Variants in TGFBR2 observed in about 807,000 individuals in gnomAD.
The protein encoded by TGFBR2 is transforming growth factor beta receptor 2, also known as TGF-beta receptor type-2.
A neutral mutation model predicts 49.0 loss-of-function variants in TGFBR2; 18 were observed. The observed-to-expected ratio is 0.37, with a 90% CI of 0.25 to 0.54. The LOEUF is 0.54. Among genes scored for constraint, TGFBR2 ranks in the 20% least tolerant of loss-of-function variants. The pLI is 0.85. For synonymous variants in TGFBR2, 282 were observed against 275.9 expected (o/e 1.02, Z -0.22); for missense variants, 525 against 722.6 (o/e 0.73, Z 3.13).
At chr3:30,607,514 A>G (rs750112319) in intron 1 of TGFBR2, among the ~76,000 whole-genome samples, 35 of 152,304 alleles carry the variant, frequency 2.3e-4, no homozygotes, top group Non-Finnish European at 4.1e-4. Context: ...AACAAGTTTC[A>G]AGAAAATAAT....
chr3:30,613,181 A>G (rs1225481223), intron 1 of TGFBR2, among the ~76,000 whole-genome samples: 2 of 139,988 alleles, frequency 1.4e-5, no homozygotes, highest in East Asian at 2.1e-4. Context: ...TTTTCCTCCA[A>G]TTTTTTTCAG....
intron 2 of TGFBR2, among the ~76,000 whole-genome samples, chr3:30,645,556 G>A (rs530083898): frequency 6.8e-6 from 1 of 146,826 alleles, no homozygotes; most frequent in African/African-American, 2.5e-5. Context: ...CACAATCTTG[G>A]CTCACCGCAA....
chr3:30,616,795 A>G (rs531002162), intron 1 of TGFBR2, among the ~76,000 whole-genome samples: 12 of 152,110 alleles, frequency 7.9e-5, no homozygotes, highest in African/African-American at 2.2e-4. Context: ...AAAAGAGAAG[A>G]AAAAAAACCA....
chr3:30,674,394 G>A (rs1699396841), intron 5 of TGFBR2, 148 bp downstream of exon 5: 2 of 1,137,534 alleles, frequency 1.8e-6, no homozygotes, highest in African/African-American at 1.5e-5. Flanking sequence ...GAACTATTTG[G>A]GGTTATGCTA....
At chr3:30,656,600 G>A (rs1238831839) in intron 3 of TGFBR2, among the ~76,000 whole-genome samples, 6 of 152,170 alleles carry the variant, frequency 3.9e-5, no homozygotes, top group African/African-American at 1.4e-4. Flanking sequence ...CTGAAGGTGG[G>A]TACGTGGAAA....
intron 1 of TGFBR2, among the ~76,000 whole-genome samples, chr3:30,640,747 A>C (rs539464682): frequency 9.2e-4 from 140 of 152,342 alleles, no homozygotes; most frequent in South Asian, 8.3e-3. Context: ...CCTTAATATA[A>C]GAATATCTTA....
At chr3:30,613,131 C>CTTT (rs5847644) in intron 1 of TGFBR2, among the ~76,000 whole-genome samples, 1 of 129,318 alleles carries the variant, frequency 7.7e-6, no homozygotes. Flanking sequence ...ACATGCAGCT[C>CTTT]TTTTTTTTTT....
At chr3:30,627,596 A>G (rs1370224001) in intron 1 of TGFBR2, among the ~76,000 whole-genome samples, 1 of 151,904 alleles carries the variant, frequency 6.6e-6, no homozygotes, top group Non-Finnish European at 1.5e-5. Context: ...AGATGGTCTT[A>G]GATCCACTGT....
At chr3:30,671,192 A>C (rs1699330208) in intron 3 of TGFBR2, among the ~76,000 whole-genome samples, 1 of 152,188 alleles carries the variant, frequency 6.6e-6, no homozygotes, top group Non-Finnish European at 1.5e-5. Flanking sequence ...TGCAGTTTAC[A>C]GTAGTGAAGA....
intron 1 of TGFBR2, among the ~76,000 whole-genome samples, chr3:30,630,301 A>G (rs1290323075): frequency 6.6e-6 from 1 of 152,264 alleles, no homozygotes; most frequent in Non-Finnish European, 1.5e-5. Context: ...TAGAACTTCC[A>G]TAAAGAGTTG....
At chr3:30,641,889 C>T (rs1334118633) in intron 1 of TGFBR2, among the ~76,000 whole-genome samples, 4 of 152,042 alleles carry the variant, frequency 2.6e-5, no homozygotes, top group Non-Finnish European at 5.9e-5. Flanking sequence ...CCCCCTCCCT[C>T]CTTGTTTCCC....
intron 5 of TGFBR2, among the ~76,000 whole-genome samples, chr3:30,678,127 T>A (rs1179367428): frequency 6.6e-6 from 1 of 152,176 alleles, no homozygotes; most frequent in Non-Finnish European, 1.5e-5. Flanking sequence ...TCCAGAGTCA[T>A]CTTCTCTGTA....
At chr3:30,687,007 A>C (rs1479239929) in intron 5 of TGFBR2, among the ~76,000 whole-genome samples, 11 of 152,338 alleles carry the variant, frequency 7.2e-5, no homozygotes, top group African/African-American at 2.2e-4. Flanking sequence ...CAAGAATGAG[A>C]AAGGGACTCA....
At chr3:30,667,007 G>A (rs1699258738) in intron 3 of TGFBR2, among the ~76,000 whole-genome samples, 1 of 152,118 alleles carries the variant, frequency 6.6e-6, no homozygotes, top group South Asian at 2.1e-4. Flanking sequence ...GTTGAGATCA[G>A]AAGTCTCTCC....
At chr3:30,620,448 TA>T (rs1698208756) in intron 1 of TGFBR2, among the ~76,000 whole-genome samples, 2 of 151,938 alleles carry the variant, frequency 1.3e-5, no homozygotes, top group Admixed American at 1.3e-4. Flanking sequence ...CCACCTGTAG[TA>T]TTGTTTGACA....
At position 30,690,486 on chromosome 3, in the gene TGFBR2, G is replaced by C. The variant is rs560607476; in HGVS notation, c.1525-934G>C. ...TCACAGGGTTCAACCCAATGTTGTT[G>C]GAGAGGAATGGAGCATCCCAGAGGT... On this transcript the variant is annotated intron_variant, in intron 6 of 6. Transcript: ENST00000295754. 5.9e-5 allele frequency among the ~76,000 whole-genome samples: 9 copies of C among 152,252 alleles called. No individual in the cohort carries two copies. The South Asian group carries it at 1.7e-3, about 28-fold the overall frequency.
intron 1 of TGFBR2, chr3:30,623,394 C>G (rs1459150415): frequency 8.4e-6 from 11 of 1,314,444 alleles, no homozygotes; most frequent in Non-Finnish European, 1.1e-5. Context: ...TTCATATTTT[C>G]ATAGCTAAAT....
chr3:30,679,234 T>C (rs1478530063), intron 5 of TGFBR2, among the ~76,000 whole-genome samples: 2 of 152,162 alleles, frequency 1.3e-5, no homozygotes, highest in Non-Finnish European at 2.9e-5. Context: ...AATGCCCAGG[T>C]TGGCTACAGG....
At chr3:30,667,851 A>G (rs1699270307) in intron 3 of TGFBR2, among the ~76,000 whole-genome samples, 1 of 152,212 alleles carries the variant, frequency 6.6e-6, no homozygotes, top group African/African-American at 2.4e-5. Flanking sequence ...AAAAAAATTG[A>G]CTACATATTC....
Sources: gnomAD v4.1 joint callset for allele counts (sites outside exome capture counted in the v4.1 genomes callset) on GRCh38, gnomAD v4.1.1 for gene constraint, MANE v1.5 for transcripts, NCBI Gene and HGNC (gene_info 2026-07-23, HGNC 2026-07-21) for gene names.